The following DOC2B variants were observed in gnomAD, a reference collection of about 807,000 sequenced individuals.
DOC2B encodes double C2 domain beta.
A neutral mutation model predicts 28.9 loss-of-function variants in DOC2B; 21 were observed. That is an observed-to-expected ratio of 0.73 (90% confidence interval 0.52 to 1.05). The LOEUF (loss-of-function observed/expected upper bound fraction) is 1.05. DOC2B is among the 50% of genes least tolerant of loss of function. DOC2B has a pLI of 0.00. For synonymous variants in DOC2B, 194 were observed against 178.1 expected (o/e 1.09, Z -0.71); for missense variants, 384 against 421.1 (o/e 0.91, Z 0.77).
At chr17:159,000 C>T (rs936927102) in intron 5 of DOC2B, among the ~76,000 whole-genome samples, 19 of 148,926 alleles carry the variant, frequency 1.3e-4, no homozygotes, top group African/African-American at 2.2e-4. Context: ...GCCGACATTG[C>T]GCCACTGCAC....
At chr17:151,231 C>T (rs768904048) in intron 6 of DOC2B, among the ~76,000 whole-genome samples, 1 of 152,088 alleles carries the variant, frequency 6.6e-6, no homozygotes, top group Non-Finnish European at 1.5e-5. Flanking sequence ...GATTGCGCCA[C>T]TGCACTTTGG....
chr17:164,331 C>CG, intron 2 of DOC2B, 127 bp from the exon 3 acceptor site: 1 of 693,712 alleles, frequency 1.4e-6, no homozygotes, highest in South Asian at 1.8e-5. Flanking sequence ...CAGAAGCCCC[C>CG]GGGCCCCACA....
intron 1 of DOC2B, among the ~76,000 whole-genome samples, chr17:177,085 A>AAAC (rs2040378868): frequency 6.7e-6 from 1 of 148,164 alleles, no homozygotes; most frequent in African/African-American, 2.5e-5. Context: ...TTTAAAAAAA[A>AAAC]CAAAACAATT....
Position 144,858 on chromosome 17 carries a change from A to G in DOC2B, c.*2583T>C, listed in dbSNP as rs2040008404. 1 of 152,162 alleles carries G rather than the reference A, an allele frequency of 6.6e-6. No individual in the cohort carries two copies. 9.4% of individuals were successfully genotyped at this position (152,162 alleles called of 1,614,324 possible). A position where few individuals can be genotyped will look rare whatever the true frequency, so the allele number is the denominator to read the frequency against. On this transcript the variant is annotated 3_prime_UTR_variant, in exon 9 of 9. Coordinates refer to ENST00000613549, the MANE Select transcript of DOC2B (RefSeq NM_003585.5). ...GCCTCACATTCCCCATGTGCCTAATAAGGAAGTCATGGTAGGTGGGGGGTA... is the reference window on the plus strand; with the variant it reads ...GCCTCACATTCCCCATGTGCCTAATGAGGAAGTCATGGTAGGTGGGGGGTA...
chr17:143,107 G>C lies in DOC2B; in HGVS notation c.*4334C>G, dbSNP rs2039995679. 1 of 152,130 alleles carries C rather than the reference G, an allele frequency of 6.6e-6. No individual in the cohort carries two copies. Among genetic ancestry groups the C allele is most frequent in the African/African-American group, 2.4e-5 (1 of 41,416 alleles). 9.4% of individuals were successfully genotyped at this position (152,130 alleles called of 1,614,324 possible). A position where few individuals can be genotyped will look rare whatever the true frequency, so the allele number is the denominator to read the frequency against. On this transcript the variant is annotated 3_prime_UTR_variant, in exon 9 of 9. Transcript: ENST00000613549. ...ACAACAGCATGGTCGACAGGTCCTG[G>C]TGCAAAATGTCTTGGGCTGCCTCAG...
At chr17:147,641 T>C (rs1180878353) in intron 8 of DOC2B, 64 bp from the exon 9 acceptor site, 1 of 398,696 alleles carries the variant, frequency 2.5e-6, no homozygotes, top group African/African-American at 2.1e-5. Context: ...GTGGGGCCCA[T>C]GCCCCCTCCC....
At chr17:175,433 G>A (rs1026647009) in intron 1 of DOC2B, among the ~76,000 whole-genome samples, 2 of 152,214 alleles carry the variant, frequency 1.3e-5, no homozygotes, top group Admixed American at 6.5e-5. Flanking sequence ...GCCACAGCCC[G>A]AGATGCACCA....
intron 5 of DOC2B, among the ~76,000 whole-genome samples, chr17:157,678 A>C (rs1022440240): frequency 4.6e-5 from 7 of 152,140 alleles, no homozygotes; most frequent in Non-Finnish European, 1.0e-4. Context: ...TCCTGACCTC[A>C]AGTGATCCAC....
Position 146,235 on chromosome 17 carries a change from G to C in DOC2B, c.*1206C>G, listed in dbSNP as rs1007865852. ...GGCGGTAGTGGGACCAAGATGCCACGAGCAAGCACCCGGAGGCCCCCAGTG... is the reference window on the plus strand; with the variant it reads ...GGCGGTAGTGGGACCAAGATGCCACCAGCAAGCACCCGGAGGCCCCCAGTG... On this transcript the variant is annotated 3_prime_UTR_variant, in exon 9 of 9. Transcript: ENST00000613549. 1 of 152,358 alleles carries C rather than the reference G, an allele frequency of 6.6e-6. No individual in the cohort carries two copies. Among genetic ancestry groups the C allele is most frequent in the African/African-American group, 2.4e-5 (1 of 41,448 alleles). The allele number at this position is 152,358 out of a possible 1,614,324, so 9.4% of individuals were successfully genotyped here. A position where few individuals can be genotyped will look rare whatever the true frequency, so the allele number is the denominator to read the frequency against.
At position 181,396 on chromosome 17, in the gene DOC2B, A is replaced by G; in HGVS notation, c.84T>C (p.Arg28=). The G allele has an allele frequency of 8.6e-7, 1 of 1,165,900 alleles. No homozygotes were observed. Among genetic ancestry groups the G allele is most frequent in the Non-Finnish European group, 1.1e-6 (1 of 939,972 alleles). The allele number at this position is 1,165,900 out of a possible 1,614,324, so 72.2% of individuals were successfully genotyped here. A position where few individuals can be genotyped will look rare whatever the true frequency, so the allele number is the denominator to read the frequency against. The change falls in exon 1 of 9, where the codon CGT becomes CGC. Residue 28 remains arginine, a synonymous_variant. Coordinates refer to ENST00000613549, the MANE Select transcript of DOC2B (RefSeq NM_003585.5). This position sits in a 1 kb window ranked among gnomAD's most constrained non-coding sequence, Gnocchi z 7.0. ...MAIDVCPGPI[R]PIKQISDYFP... is the part of the protein sequence containing the mutation. ...AGTAGTCGGAGATCTGCTTGATGGG[A>G]CGGATGGGGCCGGGGCACACGTCGA...
rs916011387 is a variant in DOC2B at position 150,771 on chromosome 17, C to T, written c.924-1579G>A. Among the ~76,000 whole-genome samples the T allele has an allele frequency of 3.3e-5, 5 of 152,318 alleles. No individual in the cohort carries two copies. In the South Asian group the frequency reaches 6.2e-4, roughly 19 times the overall value. On this transcript the variant is annotated intron_variant, in intron 6 of 8. Coordinates refer to ENST00000613549, the MANE Select transcript of DOC2B (RefSeq NM_003585.5). ...TCACCAAAAATTGCAAACAACCACA[C>T]GCCCTTCAACTGGGGAACTCATCAA...
At chr17:162,326 G>C in intron 3 of DOC2B, 136 bp from the exon 4 acceptor site, 1 of 687,234 alleles carries the variant, frequency 1.5e-6, no homozygotes, top group Non-Finnish European at 2.6e-6. Context: ...GAGGCTGCAG[G>C]TGGACTTAGG....
At chr17:178,057 G>A (rs1162288547) in intron 1 of DOC2B, among the ~76,000 whole-genome samples, 7 of 152,196 alleles carry the variant, frequency 4.6e-5, no homozygotes, top group Non-Finnish European at 1.0e-4. Flanking sequence ...AAAAGGAATC[G>A]GTCCTTACCA....
intron 5 of DOC2B, among the ~76,000 whole-genome samples, chr17:158,815 C>T (rs866303357): frequency 1.5e-4 from 23 of 152,164 alleles, no homozygotes; most frequent in South Asian, 4.2e-4. Context: ...GAGGCCAAGG[C>T]GGGCAGATCA....
chr17:180,563 G>A (rs2040428657), intron 1 of DOC2B, among the ~76,000 whole-genome samples: 1 of 152,092 alleles, frequency 6.6e-6, no homozygotes, highest in African/African-American at 2.4e-5. Context: ...CTCTGCTCGC[G>A]CGCCAGCAAA....
intron 1 of DOC2B, among the ~76,000 whole-genome samples, chr17:178,426 G>A (rs1441260861): frequency 2.0e-5 from 3 of 152,228 alleles, no homozygotes; most frequent in Non-Finnish European, 4.4e-5. Context: ...AGTGATTACA[G>A]CTTTGAAGAA....
chr17:144,774 G>A lies in DOC2B; in HGVS notation c.*2667C>T, dbSNP rs1435277184. 3.9e-5 allele frequency: 6 copies of A among 152,234 alleles called. No individual in the cohort carries two copies. Among genetic ancestry groups the A allele is most frequent in the Admixed American group, 3.9e-4 (6 of 15,272 alleles). The allele number at this position is 152,234 out of a possible 1,614,324, so 9.4% of individuals were successfully genotyped here. A position where few individuals can be genotyped will look rare whatever the true frequency, so the allele number is the denominator to read the frequency against. The stretch of plus-strand genomic sequence containing the variant: ...GGCAGTAGAGGGCCCTGGACTGGGG[G>A]GCTGGAGTTCTGGGTTCTTGTCCCA... On this transcript the variant is annotated 3_prime_UTR_variant, in exon 9 of 9. Coordinates refer to ENST00000613549, the MANE Select transcript of DOC2B (RefSeq NM_003585.5).
chr17:158,219 C>A (rs531100924), intron 5 of DOC2B, among the ~76,000 whole-genome samples: 1 of 152,126 alleles, frequency 6.6e-6, no homozygotes, highest in Admixed American at 6.5e-5. Flanking sequence ...CCGGCTTCTT[C>A]CTTCTGGCTG....
chr17:151,005 C>A (rs908678063), intron 6 of DOC2B, among the ~76,000 whole-genome samples: 5 of 152,114 alleles, frequency 3.3e-5, no homozygotes, highest in African/African-American at 1.2e-4. Flanking sequence ...TGAGTGGTTG[C>A]CTGGGGCCAG....
Sources: allele counts gnomAD v4.1 joint callset (sites outside exome capture counted in the v4.1 genomes callset), GRCh38; gene constraint gnomAD v4.1.1; non-coding constraint Gnocchi (gnomAD v3.1); transcripts MANE v1.5; gene names NCBI Gene and HGNC (gene_info 2026-07-23, HGNC 2026-07-21).